Variants in AGTPBP1 observed in about 807,000 individuals in gnomAD.
The protein encoded by AGTPBP1 is cytosolic carboxypeptidase 1.
Under a neutral mutation model 143.9 loss-of-function variants are expected in AGTPBP1, and 70 were observed. The ratio of observed to expected loss-of-function variants is 0.49; its 90% confidence interval spans 0.40 to 0.59. The LOEUF (loss-of-function observed/expected upper bound fraction) is 0.59, where lower values mean the gene tolerates loss of function less well. Among genes scored for constraint, AGTPBP1 ranks in the 20% least tolerant of loss-of-function variants. AGTPBP1 has a pLI of 0.00. For synonymous variants in AGTPBP1, 463 were observed against 500.2 expected, an observed-to-expected ratio of 0.93 and a Z score of 0.99; for missense variants, 1,229 against 1,464.5, an observed-to-expected ratio of 0.84 and a Z score of 2.62.
At chr9:85,690,201 T>G (rs1432868858) in intron 3 of AGTPBP1, among the ~76,000 whole-genome samples, 1 of 152,124 alleles carries the variant, frequency 6.6e-6, no homozygotes, top group Admixed American at 6.5e-5. Flanking sequence ...TAAAGAAAAT[T>G]TTTGTACATT....
the AGTPBP1 span, among the ~76,000 whole-genome samples, chr9:85,790,245 C>T: frequency 6.6e-6 from 1 of 152,124 alleles, no homozygotes; most frequent in Non-Finnish European, 1.5e-5. Context: ...CTTATGTTGG[C>T]AGAAGTACAC....
chr9:85,678,430 T>C (rs767951493), intron 4 of AGTPBP1, 32 bp from the exon 5 acceptor site: 1 of 1,420,172 alleles, frequency 7.0e-7, no homozygotes, highest in Admixed American at 2.0e-5. Context: ...ATTAAAACAT[T>C]GTAAACTTTT....
chr9:85,584,919 C>T (rs1026846763), intron 23 of AGTPBP1, among the ~76,000 whole-genome samples: 19 of 152,108 alleles, frequency 1.2e-4, no homozygotes, highest in African/African-American at 4.3e-4. Context: ...ATAATTCTCT[C>T]CAACTTTAAA....
At chr9:85,622,526 T>C (rs1158819753) in intron 14 of AGTPBP1, among the ~76,000 whole-genome samples, 1 of 151,878 alleles carries the variant, frequency 6.6e-6, no homozygotes, top group Non-Finnish European at 1.5e-5. Context: ...AAACAAAGGA[T>C]ACTAAAAAAA....
intron 25 of AGTPBP1, among the ~76,000 whole-genome samples, chr9:85,558,793 AT>A (rs1401521899): frequency 1.3e-5 from 2 of 152,132 alleles, no homozygotes; most frequent in African/African-American, 4.8e-5. Context: ...TAATTTTTGT[AT>A]TTTTTGTAGA....
At chr9:85,768,945 A>T in the AGTPBP1 span, among the ~76,000 whole-genome samples, 1 of 149,608 alleles carries the variant, frequency 6.7e-6, no homozygotes, top group African/African-American at 2.5e-5. Flanking sequence ...GTTACTTGGG[A>T]GGCTGAGGCA....
chr9:85,605,156 G>T, intron 17 of AGTPBP1, among the ~76,000 whole-genome samples: 1 of 152,076 alleles, frequency 6.6e-6, no homozygotes, highest in Non-Finnish European at 1.5e-5. Context: ...ACACCACGCA[G>T]ATTTAACCCC....
intron 25 of AGTPBP1, among the ~76,000 whole-genome samples, chr9:85,563,973 A>T (rs1826911659): frequency 6.6e-6 from 1 of 152,212 alleles, no homozygotes; most frequent in Non-Finnish European, 1.5e-5. Flanking sequence ...GTCTCTGCTG[A>T]GCCCCAGAAT....
At position 85,692,676 on chromosome 9, in the gene AGTPBP1, G is replaced by A. The variant is rs1309875918; in HGVS notation, c.157+13C>T. The A allele has an allele frequency of 1.9e-6, 3 of 1,610,736 alleles. No homozygotes were observed. Among genetic ancestry groups the A allele is most frequent in the Non-Finnish European group, 2.5e-6 (3 of 1,179,086 alleles). On this transcript the variant is annotated intron_variant, in intron 3 of 25. Coordinates refer to ENST00000357081, the MANE Select transcript of AGTPBP1 (RefSeq NM_001330701.2). ...AAAAGCATTTCAAAAACAAAGAAGA[G>A]ATCAATGTTTACCTTGACTCTGAGC...
chr9:85,633,198 G>T lies in AGTPBP1; in HGVS notation c.1479C>A (p.Thr493=). ...TATCTTCTTTTGCTAGATCCATAAA[G>T]GTAGACTTCTTTTCACCTTCATCTC... is the stretch of plus-strand genomic sequence containing the variant. The part of the protein sequence containing the change: ...SKGDEGEKKS[T]FMDLAKEDIK... Residue 493 remains threonine (T), a synonymous_variant, in exon 14 of 26, where the codon ACC becomes ACA. Coordinates refer to ENST00000357081, the MANE Select transcript of AGTPBP1 (RefSeq NM_001330701.2). The T allele has an allele frequency of 2.5e-6, 4 of 1,613,402 alleles. No individual in the cohort carries two copies. The African/African-American group carries it at 5.3e-5, about 22-fold the overall frequency.
rs142625671 is a variant in AGTPBP1, at chr9:85,601,004, G to A, written c.2336-4555C>T. 5.1e-3 allele frequency among the ~76,000 whole-genome samples: 775 copies of A among 152,282 alleles called. 5 individuals are homozygous for A. The highest frequency in any genetic ancestry group is 0.033 in the South Asian group (161 of 4,828). ...ACCACTGCTGATTGCTGTCACTGGG[G>A]CCAAAGCACAATTCCCTGGTAGCAA... On this transcript the variant is annotated intron_variant, in intron 17 of 25. Transcript: ENST00000357081.
upstream of AGTPBP1, among the ~76,000 whole-genome samples, chr9:85,746,663 G>C (rs182118258): frequency 2.6e-5 from 4 of 151,582 alleles, no homozygotes; most frequent in South Asian, 4.2e-4. Flanking sequence ...GAGAGAGAGA[G>C]AAGCAAAATT....
the AGTPBP1 span, among the ~76,000 whole-genome samples, chr9:85,772,136 C>G: frequency 1.7e-4 from 25 of 151,218 alleles, no homozygotes; most frequent in Non-Finnish European, 3.4e-4. Flanking sequence ...CTGCCATGCC[C>G]AGCTCATTTT....
intron 24 of AGTPBP1, among the ~76,000 whole-genome samples, chr9:85,578,052 C>T (rs141967865): frequency 3.3e-5 from 5 of 152,240 alleles, no homozygotes; most frequent in African/African-American, 4.8e-5. Context: ...ATAATTAGCA[C>T]GACACCTGAA....
chr9:85,589,447 C>T, intron 20 of AGTPBP1, 81 bp downstream of exon 20: 4 of 1,488,472 alleles, frequency 2.7e-6, no homozygotes, highest in South Asian at 2.8e-5. Flanking sequence ...TTCCTATTAT[C>T]ATTTCCATTA....
Position 85,619,065 on chromosome 9 carries a change from A to G in AGTPBP1, c.2253T>C (p.Phe751=). 6.2e-7 allele frequency: 1 copy of G among 1,613,884 alleles called. No homozygotes were observed. Among genetic ancestry groups the G allele is most frequent in the Non-Finnish European group, 8.5e-7 (1 of 1,179,854 alleles). Reference sequence around the variant, plus strand: ...CACCTGGTCGCATTCCACTGACTTCAAAGTAAAACCACTGATGATAATGAT... The same window carrying G: ...CACCTGGTCGCATTCCACTGACTTCGAAGTAAAACCACTGATGATAATGAT... ...NSNHYHQWFY[F]EVSGMRPGVA... The change falls in exon 17 of 26, where the codon TTT becomes TTC. Residue 751 remains phenylalanine, a synonymous_variant. Coordinates refer to ENST00000357081, the MANE Select transcript of AGTPBP1 (RefSeq NM_001330701.2).
intron 17 of AGTPBP1, among the ~76,000 whole-genome samples, chr9:85,603,337 G>C (rs889518470): frequency 2.0e-5 from 3 of 152,194 alleles, no homozygotes; most frequent in African/African-American, 7.2e-5. Context: ...CAGTAAAACA[G>C]GGTACCAGGC....
At chr9:85,551,396 C>A (rs553331090) in intron 25 of AGTPBP1, among the ~76,000 whole-genome samples, 1 of 152,282 alleles carries the variant, frequency 6.6e-6, no homozygotes, top group African/African-American at 2.4e-5. Flanking sequence ...TTCTCTATAT[C>A]CCCTTTGTAC....
rs368612848 is a variant in AGTPBP1 at position 85,677,620 on chromosome 9, T to C, written c.290-38A>G. On this transcript the variant is annotated intron_variant, in intron 5 of 25. Transcript: ENST00000357081. ...AAAAAAAAAAATTTAAACAACAAATTAAAAAAAAATTAACAAATTTAAACA... is the reference window on the plus strand; with the variant it reads ...AAAAAAAAAAATTTAAACAACAAATCAAAAAAAAATTAACAAATTTAAACA... The C allele has an allele frequency of 4.2e-6, 6 of 1,428,652 alleles. No homozygotes were observed. In the African/African-American group the frequency reaches 7.5e-5, roughly 18 times the overall value. The allele number at this position is 1,428,652 out of a possible 1,614,324, so 88.5% of individuals were successfully genotyped here.
Sources: allele counts gnomAD v4.1 joint callset (sites outside exome capture counted in the v4.1 genomes callset), GRCh38; gene constraint gnomAD v4.1.1; transcripts MANE v1.5; gene names NCBI Gene and HGNC (gene_info 2026-07-23, HGNC 2026-07-21).